Variants in NRG1 observed in about 807,000 individuals in gnomAD.
NRG1 encodes the protein pro-neuregulin-1, membrane-bound isoform.
In NRG1, 18 loss-of-function variants were observed where a neutral mutation model predicts 63.8. That is an observed-to-expected ratio of 0.28 (90% confidence interval 0.19 to 0.42). The LOEUF (loss-of-function observed/expected upper bound fraction) is 0.42, where lower values mean the gene tolerates loss of function less well. Among genes scored for constraint, NRG1 ranks in the 10% least tolerant of loss-of-function variants. The pLI is 1.00. For missense variants in NRG1, 762 were observed against 814.7 expected (o/e 0.94, Z 0.79); for synonymous variants, 302 against 301.3 (o/e 1.00, Z -0.02).
At chr8:32,278,134 GATTAA>G (rs1438397776) in intron 1 of NRG1, among the ~76,000 whole-genome samples, 2 of 152,118 alleles carry the variant, frequency 1.3e-5, no homozygotes, top group Non-Finnish European at 2.9e-5. Context: ...AGAGATCCTG[GATTAA>G]TATATCATGG....
chr8:32,545,169 A>C (rs1245120779), upstream of NRG1, among the ~76,000 whole-genome samples: 4 of 152,190 alleles, frequency 2.6e-5, no homozygotes, highest in Non-Finnish European at 5.9e-5. Flanking sequence ...CTGAGAGGAT[A>C]TATTCAGCCA....
At chr8:31,938,893 G>A (rs1287334876) in intron 1 of NRG1, among the ~76,000 whole-genome samples, 5 of 152,080 alleles carry the variant, frequency 3.3e-5, no homozygotes, top group Non-Finnish European at 7.4e-5. Flanking sequence ...AATGAACAAA[G>A]GCTCCAAGAA....
intron 1 of NRG1, among the ~76,000 whole-genome samples, chr8:32,200,163 A>G (rs1280762343): frequency 6.6e-6 from 1 of 151,966 alleles, no homozygotes; most frequent in African/African-American, 2.4e-5. Context: ...TCCCTCTAAT[A>G]TTTTTACTTT....
At chr8:32,240,700 A>G (rs1848011477) in intron 1 of NRG1, among the ~76,000 whole-genome samples, 1 of 152,078 alleles carries the variant, frequency 6.6e-6, no homozygotes. Context: ...CCTGTGAATT[A>G]TTGATTCACA....
intron 5 of NRG1, among the ~76,000 whole-genome samples, chr8:32,679,008 G>T (rs979410817): frequency 6.6e-6 from 1 of 152,022 alleles, no homozygotes; most frequent in African/African-American, 2.4e-5. Context: ...AAAAAAAGTA[G>T]CCTGACTGGG....
At chr8:31,881,661 A>C (rs2262679) in intron 1 of NRG1, among the ~76,000 whole-genome samples, 78,961 of 152,012 alleles carry the variant, frequency 0.52, 21,241 homozygotes, top group East Asian at 0.75. Flanking sequence ...AATGCAAAGG[A>C]AAAGTCCTTG....
At chr8:32,556,873 G>C (rs943731491) in intron 1 of NRG1, among the ~76,000 whole-genome samples, 15 of 152,308 alleles carry the variant, frequency 9.8e-5, no homozygotes, top group Admixed American at 7.8e-4. Flanking sequence ...TCTAAAACCA[G>C]CCTTTACAAG....
chr8:32,725,501 A>G (rs1479151917), intron 5 of NRG1, among the ~76,000 whole-genome samples: 1 of 77,330 alleles, frequency 1.3e-5, no homozygotes, highest in Non-Finnish European at 2.3e-5. Flanking sequence ...TTTGAGACAG[A>G]GTTTCTCTCT....
At chr8:32,303,981 T>C (rs1855916217) in intron 1 of NRG1, among the ~76,000 whole-genome samples, 1 of 152,230 alleles carries the variant, frequency 6.6e-6, no homozygotes, top group Non-Finnish European at 1.5e-5. Flanking sequence ...TACAATTGGA[T>C]CATCTGAACT....
chr8:31,782,369 C>T (rs1440502792), intron 1 of NRG1, among the ~76,000 whole-genome samples: 2 of 152,096 alleles, frequency 1.3e-5, no homozygotes, highest in Admixed American at 6.6e-5. Flanking sequence ...AGCAGCACCC[C>T]ACCAGCATTG....
At chr8:32,479,059 A>G (rs1174802387) in intron 1 of NRG1, among the ~76,000 whole-genome samples, 1 of 152,202 alleles carries the variant, frequency 6.6e-6, no homozygotes, top group African/African-American at 2.4e-5. Context: ...ATACATTGTA[A>G]ATCTATACCT....
chr8:32,454,721 T>C (rs1821395555), intron 1 of NRG1, among the ~76,000 whole-genome samples: 2 of 151,744 alleles, frequency 1.3e-5, no homozygotes, highest in African/African-American at 4.8e-5. Context: ...ATTGAAGAAA[T>C]ATTTTTGTTA....
At chr8:31,875,318 T>C (rs983719491) in intron 1 of NRG1, among the ~76,000 whole-genome samples, 6 of 152,182 alleles carry the variant, frequency 3.9e-5, no homozygotes, top group African/African-American at 1.4e-4. Flanking sequence ...AGGAGAAATA[T>C]TATCTTTCTC....
Position 31,813,520 on chromosome 8 carries a change from T to TCTTTTCTTTTC in NRG1, c.37+174089_37+174090insCTTTTCTTTTC, listed in dbSNP as rs1554540779. Among the ~76,000 whole-genome samples, 403 of 116,590 alleles carry TCTTTTCTTTTC rather than the reference T, an allele frequency of 3.5e-3. 2 individuals carry two copies. The highest frequency in any genetic ancestry group is 0.027 in the East Asian group (82 of 3,090). The allele number at this position is 116,590 out of a possible 152,430, so 76.5% of individuals were successfully genotyped here. The stretch of plus-strand genomic sequence containing the variant: ...TCTTTTCTTTTCTTTTCTTTTCTTT[T>TCTTTTCTTTTC]TTTTTTTTTTTTTGTTTTTTGAGAC... On this transcript the variant is annotated intron_variant, in intron 1 of 10. Coordinates refer to the NRG1 transcript ENST00000519301.
At chr8:32,530,164 G>T (rs939641723) in intron 1 of NRG1, among the ~76,000 whole-genome samples, 11 of 151,862 alleles carry the variant, frequency 7.2e-5, no homozygotes, top group Non-Finnish European at 1.5e-4. Context: ...CTGGAGTGCA[G>T]TGGTGCTATC....
At chr8:31,843,555 G>A (rs1315900125) in intron 1 of NRG1, among the ~76,000 whole-genome samples, 1 of 152,178 alleles carries the variant, frequency 6.6e-6, no homozygotes, top group Non-Finnish European at 1.5e-5. Context: ...TTCTGGGGCT[G>A]CTTAATCCAC....
intron 1 of NRG1, among the ~76,000 whole-genome samples, chr8:31,740,142 A>T (rs560353894): frequency 1.1e-4 from 17 of 152,056 alleles, no homozygotes; most frequent in Non-Finnish European, 1.9e-4. Flanking sequence ...CTTTTTTTAT[A>T]TGTATTAGGC....
At chr8:32,006,841 C>A (rs1813860557) in intron 1 of NRG1, among the ~76,000 whole-genome samples, 1 of 152,022 alleles carries the variant, frequency 6.6e-6, no homozygotes, top group African/African-American at 2.4e-5. Flanking sequence ...ATAACTTGAC[C>A]AAACCTAGCT....
chr8:31,735,217 T>G (rs1262683803), intron 1 of NRG1, among the ~76,000 whole-genome samples: 1 of 152,162 alleles, frequency 6.6e-6, no homozygotes, highest in African/African-American at 2.4e-5. Flanking sequence ...CACCCACTAC[T>G]TACTCCTAAA....
Sources: allele counts gnomAD v4.1 joint callset (sites outside exome capture counted in the v4.1 genomes callset), GRCh38; gene constraint gnomAD v4.1.1; transcripts MANE v1.5; gene names NCBI Gene and HGNC (gene_info 2026-07-23, HGNC 2026-07-21).